C19orf38: variants seen among roughly 807,000 people sequenced by gnomAD.
C19orf38 encodes the protein protein HIDE1.
In C19orf38, 14 loss-of-function variants were observed where a neutral mutation model predicts 26.6. That is an observed-to-expected ratio of 0.53 (90% CI 0.35 to 0.82). The LOEUF (loss-of-function observed/expected upper bound fraction) is 0.82, where lower values mean the gene tolerates loss of function less well. Ranked by LOEUF, C19orf38 falls within the 40% of genes least tolerant of loss-of-function variation. The pLI, the probability that C19orf38 is intolerant of heterozygous loss-of-function variation, is 0.01. For missense variants in C19orf38, 261 were observed against 299.5 expected, an observed-to-expected ratio of 0.87 and a Z score of 0.95; for synonymous variants, 132 against 128.5, an observed-to-expected ratio of 1.03 and a Z score of -0.18.
rs1203606273 is a variant in C19orf38 at position 10,863,063 on chromosome 19, G to A, written c.506-107G>A. The A allele has an allele frequency of 4.3e-6, 5 of 1,158,498 alleles. No individual in the cohort carries two copies. The Admixed American group carries it at 1.0e-4, about 24-fold the overall frequency. The allele number at this position is 1,158,498 out of a possible 1,614,324, so 71.8% of individuals were successfully genotyped here. ...GCGCCATAGAGGATGCTGGGAGATG[G>A]ACCCCAATTGCTTCCCTGTGGGCTG... is the stretch of plus-strand genomic sequence containing the variant. On this transcript the variant is annotated intron_variant, in intron 5 of 6. Transcript: ENST00000397820.
intron 3 of C19orf38, among the ~76,000 whole-genome samples, chr19:10,857,358 A>ATTTTTT (rs1395725984): frequency 1.2e-5 from 1 of 82,484 alleles, no homozygotes; most frequent in African/African-American, 9.6e-5. Flanking sequence ...ATATATATAT[A>ATTTTTT]TATATATATT....
At chr19:10,863,145 G>A (rs1249005843) in intron 5 of C19orf38, 25 bp from the exon 6 acceptor site, 2 of 1,550,020 alleles carry the variant, frequency 1.3e-6, no homozygotes, top group South Asian at 1.2e-5. Context: ...CCCAATCCTG[G>A]GTTTTCTTTC....
chr19:10,842,028 C>T, intron 1 of C19orf38: 11 of 1,610,542 alleles, frequency 6.8e-6, no homozygotes, highest in East Asian at 2.2e-5. Flanking sequence ...GAATATTGTC[C>T]GAACTCCATC....
At chr19:10,852,998 C>T (rs889488947) in intron 2 of C19orf38, among the ~76,000 whole-genome samples, 26 of 151,020 alleles carry the variant, frequency 1.7e-4, no homozygotes, top group African/African-American at 5.9e-4. Context: ...ATTCCTTGAG[C>T]CAAGGAGTTC....
intron 5 of C19orf38, among the ~76,000 whole-genome samples, chr19:10,861,537 CTG>C (rs1169313679): frequency 2.6e-5 from 4 of 152,246 alleles, no homozygotes; most frequent in Admixed American, 1.3e-4. Flanking sequence ...TGGCACCAGA[CTG>C]TGTCTGGGAC....
At chr19:10,848,651 G>A (rs924370419) in intron 1 of C19orf38, 112 bp downstream of exon 1, 59 of 1,004,646 alleles carry the variant, frequency 5.9e-5, no homozygotes, top group Middle Eastern at 4.9e-4. Context: ...TCAGGGCATC[G>A]AGGAGGCTGA....
intron 2 of C19orf38, among the ~76,000 whole-genome samples, chr19:10,851,057 T>G (rs544947143): frequency 6.6e-6 from 1 of 152,266 alleles, no homozygotes; most frequent in East Asian, 1.9e-4. Context: ...CACATACTTT[T>G]TTTGTTTGTT....
At chr19:10,853,353 C>T (rs553181890) in intron 2 of C19orf38, among the ~76,000 whole-genome samples, 18 of 152,032 alleles carry the variant, frequency 1.2e-4, no homozygotes, top group Non-Finnish European at 2.5e-4. Flanking sequence ...CTCAGCCTCT[C>T]GAGTCTCACT....
Position 10,837,880 on chromosome 19 carries a change from A to G in C19orf38, c.-69+1110A>G, listed in dbSNP as rs546592938. ...AGTGACGCCATCATGGCTCACTGCA[A>G]TCTCTACCTCCTGGGCTCAAGTGAT... On this transcript the variant is annotated intron_variant, in intron 1 of 7. Coordinates refer to the C19orf38 transcript ENST00000592854. Among the ~76,000 whole-genome samples the G allele has an allele frequency of 4.6e-5, 7 of 151,766 alleles. No homozygotes were observed. The East Asian group carries it at 1.2e-3, about 25-fold the overall frequency.
chr19:10,846,620 A>G (rs1697729818), upstream of C19orf38, among the ~76,000 whole-genome samples: 1 of 152,190 alleles, frequency 6.6e-6, no homozygotes, highest in Non-Finnish European at 1.5e-5. Context: ...AGCTCCTAGG[A>G]AGACCGATAA....
At chr19:10,867,133 A>G (rs1041889857) in intron 6 of C19orf38, among the ~76,000 whole-genome samples, 2 of 145,378 alleles carry the variant, frequency 1.4e-5, no homozygotes, top group Non-Finnish European at 3.0e-5. Context: ...TGCAACACCC[A>G]CTCCCCGTTG....
chr19:10,845,673 A>G (rs1194707130), upstream of C19orf38, among the ~76,000 whole-genome samples: 2 of 151,788 alleles, frequency 1.3e-5, no homozygotes, highest in Admixed American at 1.3e-4. Flanking sequence ...AGGTCAGGAG[A>G]TCGAGACCAT....
At chr19:10,837,470 CTTTTTTTT>C (rs1441135057) in intron 1 of C19orf38, among the ~76,000 whole-genome samples, 49 of 63,180 alleles carry the variant, frequency 7.8e-4, no homozygotes, top group Admixed American at 1.8e-3. Context: ...GACTCCTTTT[CTTTTTTTT>C]CTTTTTTTTT....
At chr19:10,850,595 C>T (rs1195364412) in intron 2 of C19orf38, 28 bp downstream of exon 2, 3 of 1,548,966 alleles carry the variant, frequency 1.9e-6, no homozygotes, top group Non-Finnish European at 2.6e-6. Flanking sequence ...GATCTCACTG[C>T]CGGGGGCTTA....
At chr19:10,868,872 T>C (rs2146283288) in intron 6 of C19orf38, among the ~76,000 whole-genome samples, 1 of 152,366 alleles carries the variant, frequency 6.6e-6, no homozygotes, top group South Asian at 2.1e-4. Context: ...ATTTGCTTTA[T>C]CAGTTTTACT....
chr19:10,864,448 A>G (rs900063927), intron 6 of C19orf38, among the ~76,000 whole-genome samples: 13 of 152,138 alleles, frequency 8.5e-5, no homozygotes, highest in African/African-American at 3.1e-4. Context: ...CATTTTTGGC[A>G]CAGCCCAGTA....
At chr19:10,851,842 C>T (rs1009256500) in intron 2 of C19orf38, among the ~76,000 whole-genome samples, 3 of 151,910 alleles carry the variant, frequency 2.0e-5, no homozygotes, top group African/African-American at 4.8e-5. Context: ...GTGGCGGGCA[C>T]CTGTAGTCCC....
intron 2 of C19orf38, among the ~76,000 whole-genome samples, chr19:10,854,539 C>T (rs1053247917): frequency 2.0e-5 from 3 of 152,198 alleles, no homozygotes; most frequent in African/African-American, 7.2e-5. Context: ...GCTGACAACA[C>T]CCCTTCTGCC....
chr19:10,860,016 T>C, intron 5 of C19orf38, 58 bp downstream of exon 5: 1 of 1,474,638 alleles, frequency 6.8e-7, no homozygotes, highest in Non-Finnish European at 9.3e-7. Context: ...CCAAATGCCA[T>C]CAGGCCTCAT....
Sources: gnomAD v4.1 joint callset for allele counts (sites outside exome capture counted in the v4.1 genomes callset) on GRCh38, gnomAD v4.1.1 for gene constraint, MANE v1.5 for transcripts, NCBI Gene and HGNC (gene_info 2026-07-23, HGNC 2026-07-21) for gene names.